The following MAPK10 variants were observed in gnomAD, a reference collection of about 807,000 sequenced individuals.
MAPK10 encodes the protein mitogen-activated protein kinase 10.
In MAPK10, 25 loss-of-function variants were observed where a neutral mutation model predicts 59.3. That is an observed-to-expected ratio of 0.42 (90% CI 0.31 to 0.59). The LOEUF is 0.59. MAPK10 is among the 20% of genes least tolerant of loss of function. The pLI, the probability that MAPK10 is intolerant of heterozygous loss-of-function variation, is 0.15. For synonymous variants in MAPK10, 190 were observed against 200.5 expected (o/e 0.95, Z 0.44); for missense variants, 351 against 568.9 (o/e 0.62, Z 3.90).
intron 1 of MAPK10, among the ~76,000 whole-genome samples, chr4:86,419,844 A>G (rs552604973): frequency 6.6e-6 from 1 of 152,318 alleles, no homozygotes; most frequent in South Asian, 2.1e-4. Context: ...TCCAAGTGGC[A>G]TTTGAATTTT....
At chr4:86,044,746 C>T (rs2042202154) in intron 11 of MAPK10, 1 of 397,600 alleles carries the variant, frequency 2.5e-6, no homozygotes, top group Non-Finnish European at 4.4e-6. Flanking sequence ...CATAATGCGT[C>T]ACAGGTTTTC....
intron 2 of MAPK10, among the ~76,000 whole-genome samples, chr4:86,313,734 A>G (rs2095716959): frequency 6.6e-6 from 1 of 152,172 alleles, no homozygotes; most frequent in Non-Finnish European, 1.5e-5. Flanking sequence ...AGCTGCAGCA[A>G]CTGAACTCAG....
intron 1 of MAPK10, among the ~76,000 whole-genome samples, chr4:86,575,804 G>A (rs949531874): frequency 6.7e-6 from 1 of 150,230 alleles, no homozygotes; most frequent in African/African-American, 2.4e-5. Flanking sequence ...TTATGATGTA[G>A]TAACTCATTC....
intron 1 of MAPK10, among the ~76,000 whole-genome samples, chr4:86,549,707 G>A (rs747461419): frequency 6.6e-6 from 1 of 152,064 alleles, no homozygotes; most frequent in Non-Finnish European, 1.5e-5. Context: ...GACCAGGCAC[G>A]GTGGCTCATG....
At chr4:86,215,456 T>C (rs75462140) in intron 2 of MAPK10, among the ~76,000 whole-genome samples, 3,862 of 152,254 alleles carry the variant, frequency 0.025, 158 homozygotes, top group African/African-American at 0.089. Flanking sequence ...ATACTGTCAA[T>C]AGAGTGAAAA....
At chr4:86,488,083 C>T (rs148472930) in intron 1 of MAPK10, among the ~76,000 whole-genome samples, 162 of 152,242 alleles carry the variant, frequency 1.1e-3, no homozygotes, top group African/African-American at 3.6e-3. Context: ...TCCCTCAGCT[C>T]CACTTGCCGT....
chr4:86,275,063 T>A (rs575363077), intron 2 of MAPK10, among the ~76,000 whole-genome samples: 1 of 151,976 alleles, frequency 6.6e-6, no homozygotes, highest in Non-Finnish European at 1.5e-5. Context: ...AAATAAAGGA[T>A]CTTGATTAAA....
intron 2 of MAPK10, among the ~76,000 whole-genome samples, chr4:86,264,999 C>T (rs1583721016): frequency 6.8e-6 from 1 of 147,838 alleles, no homozygotes; most frequent in East Asian, 2.1e-4. Flanking sequence ...TCAAGCAATT[C>T]ACCTGCCTCA....
intron 1 of MAPK10, among the ~76,000 whole-genome samples, chr4:86,371,806 G>A (rs1252352336): frequency 6.6e-6 from 1 of 152,152 alleles, no homozygotes; most frequent in South Asian, 2.1e-4. Flanking sequence ...ATAGCCAAGA[G>A]AAGCCATAAG....
At chr4:86,131,140 A>G (rs1488761234) in intron 4 of MAPK10, among the ~76,000 whole-genome samples, 2 of 152,052 alleles carry the variant, frequency 1.3e-5, no homozygotes, top group African/African-American at 4.8e-5. Flanking sequence ...ATTACTGAAA[A>G]TAAGTGCTAG....
At chr4:86,374,572 A>G (rs1011088894) in intron 1 of MAPK10, among the ~76,000 whole-genome samples, 1 of 152,138 alleles carries the variant, frequency 6.6e-6, no homozygotes, top group Non-Finnish European at 1.5e-5. Flanking sequence ...AGAAATCCCC[A>G]AAAAGAAAAG....
At chr4:86,337,191 A>G (rs541763721) in intron 2 of MAPK10, among the ~76,000 whole-genome samples, 1 of 152,290 alleles carries the variant, frequency 6.6e-6, no homozygotes, top group African/African-American at 2.4e-5. Context: ...GAATAAATAC[A>G]ATAAAATCTA....
At chr4:86,579,798 G>A (rs1407970763) in intron 1 of MAPK10, among the ~76,000 whole-genome samples, 1 of 152,008 alleles carries the variant, frequency 6.6e-6, no homozygotes, top group Non-Finnish European at 1.5e-5. Flanking sequence ...AAAATCAGAT[G>A]TATGTTTTCT....
intron 9 of MAPK10, chr4:86,091,466 A>G (rs2053131350): frequency 6.6e-6 from 1 of 150,580 alleles, no homozygotes; most frequent in Non-Finnish European, 1.5e-5. Flanking sequence ...GTATGTAACT[A>G]TAACCTGTAA....
intron 1 of MAPK10, among the ~76,000 whole-genome samples, chr4:86,372,894 A>G (rs1306092812): frequency 1.3e-5 from 2 of 152,090 alleles, no homozygotes; most frequent in Non-Finnish European, 2.9e-5. Context: ...GTAGCAGATG[A>G]CAAGAAATAA....
intron 11 of MAPK10, among the ~76,000 whole-genome samples, chr4:86,064,035 A>T (rs922776259): frequency 6.6e-6 from 1 of 152,206 alleles, no homozygotes; most frequent in Admixed American, 6.5e-5. Context: ...TGTATCATGG[A>T]CATCTAAGGT....
rs77624207 is a variant in MAPK10 at position 86,161,984 on chromosome 4, A to G, written c.67-2517T>C. On this transcript the variant is annotated intron_variant, in intron 3 of 13. Transcript: ENST00000641462. ...ATAAACCAAAGAAGCTTAACGATTC[A>G]TGTCACTTATCTCTCAGGTTTACTC... Among the ~76,000 whole-genome samples, 94 of 152,078 alleles carry G rather than the reference A, an allele frequency of 6.2e-4. No individual in the cohort carries two copies. The East Asian group carries it at 0.018, about 29-fold the overall frequency.
chr4:86,419,321 G>A, intron 1 of MAPK10, among the ~76,000 whole-genome samples: 1 of 151,962 alleles, frequency 6.6e-6, no homozygotes, highest in Non-Finnish European at 1.5e-5. Context: ...AATAATTAAA[G>A]CATTCATTTT....
At chr4:86,236,613 T>G (rs1253295172) in intron 2 of MAPK10, among the ~76,000 whole-genome samples, 1 of 152,110 alleles carries the variant, frequency 6.6e-6, no homozygotes, top group Non-Finnish European at 1.5e-5. Flanking sequence ...TAGCTAGAAT[T>G]AGAGGGATTC....
Sources: allele counts gnomAD v4.1 joint callset (sites outside exome capture counted in the v4.1 genomes callset), GRCh38; gene constraint gnomAD v4.1.1; transcripts MANE v1.5; gene names NCBI Gene and HGNC (gene_info 2026-07-23, HGNC 2026-07-21).